Variants in ADNP observed in about 807,000 individuals in gnomAD.
ADNP encodes the protein activity-dependent neuroprotector homeobox protein.
A neutral mutation model predicts 84.9 loss-of-function variants in ADNP; 4 were observed. The ratio of observed to expected loss-of-function variants is 0.05; its 90% CI spans 0.02 to 0.11. The LOEUF (loss-of-function observed/expected upper bound fraction) is 0.11. Ranked by LOEUF, ADNP falls within the 10% of genes least tolerant of loss-of-function variation. ADNP has a pLI of 1.00. For synonymous variants in ADNP, 554 were observed against 468.1 expected (o/e 1.18, Z -2.37); for missense variants, 1,132 against 1,326.0 (o/e 0.85, Z 2.27).
intron 2 of ADNP, chr20:50,909,729 CAG>C (rs1425422143): frequency 1.3e-5 from 2 of 152,268 alleles, no homozygotes; most frequent in Non-Finnish European, 2.9e-5. Flanking sequence ...TGATGGAAGA[CAG>C]AAAGTCACTT....
chr20:50,921,020 C>T (rs1983925204), intron 2 of ADNP, among the ~76,000 whole-genome samples: 1 of 152,140 alleles, frequency 6.6e-6, no homozygotes, highest in Non-Finnish European at 1.5e-5. Flanking sequence ...GTTATTTAAC[C>T]TCTAGAGGTC....
intron 5 of ADNP, among the ~76,000 whole-genome samples, 164 bp downstream of exon 5, chr20:50,901,853 T>C (rs914711670): frequency 1.3e-5 from 2 of 152,226 alleles, no homozygotes; most frequent in African/African-American, 2.4e-5. Flanking sequence ...GGACAAAAAG[T>C]TTTTCTTAGT....
chr20:50,893,738 G>A lies in ADNP; in HGVS notation c.976C>T (p.His326Tyr). Residue 326 changes from histidine (H) to tyrosine (Y), a missense_variant, in exon 6 of 6, where the codon CAT becomes TAT. This residue lies in a region of ADNP where 239 missense variants were observed against 213.2 expected (regional missense o/e 1.12). Coordinates refer to ENST00000621696, the MANE Select transcript of ADNP (RefSeq NM_001282531.3). This position sits in a 1 kb window ranked among gnomAD's most constrained non-coding sequence, Gnocchi z 4.4. ...ACTCCATAGTTGTTCTGCTGCAGAT[G>A]AACACTGGACATCATGTTGACTCCT... is the stretch of plus-strand genomic sequence containing the variant. ...STGVNMMSSV[H>Y]LQQNNYGVKS... 3 of 1,614,090 alleles carry A rather than the reference G, an allele frequency of 1.9e-6. No individual in the cohort carries two copies. Among genetic ancestry groups the A allele is most frequent in the Non-Finnish European group, 2.5e-6 (3 of 1,180,034 alleles).
At chr20:50,900,940 CAAG>C (rs1223433824) in intron 5 of ADNP, among the ~76,000 whole-genome samples, 5 of 152,104 alleles carry the variant, frequency 3.3e-5, no homozygotes, top group Admixed American at 2.6e-4. Flanking sequence ...TGATTCAAAT[CAAG>C]AAGTTAAATA....
chr20:50,906,995 T>A (rs1982548797), intron 2 of ADNP, among the ~76,000 whole-genome samples: 1 of 137,196 alleles, frequency 7.3e-6, no homozygotes, highest in Non-Finnish European at 1.5e-5. Context: ...TTTGAGACAG[T>A]CTCGCTCTGT....
chr20:50,928,521 T>C (rs909048453), intron 2 of ADNP, 130 bp downstream of exon 2: 3 of 152,242 alleles, frequency 2.0e-5, no homozygotes, highest in African/African-American at 7.2e-5. Flanking sequence ...CAACCAGCTC[T>C]AACCGGTTCC....
Position 50,891,431 on chromosome 20 carries a change from C to T in ADNP, c.3283G>A (p.Val1095Ile), listed in dbSNP as rs199615568. 6.2e-6 allele frequency: 10 copies of T among 1,610,232 alleles called. No individual in the cohort carries two copies. The East Asian group carries it at 2.0e-4, about 32-fold the overall frequency. ...TAGGCCTGTTGGCTGCTCAGTTTAA[C>T]TCCGGCTAAGCTGCCATGCATGGGC... ...AEPMHGSLAG[V>I]KLSSQQA Residue 1095 changes from valine to isoleucine, a missense_variant, in exon 6 of 6, where the codon GTT becomes ATT. Around this residue, in one of 10 missense-constraint regions of ADNP, gnomAD observed 381 missense variants for 319.9 expected, o/e 1.19. Coordinates refer to ENST00000621696, the MANE Select transcript of ADNP (RefSeq NM_001282531.3).
intron 2 of ADNP, among the ~76,000 whole-genome samples, chr20:50,920,500 C>T (rs948141771): frequency 3.3e-5 from 5 of 149,296 alleles, no homozygotes; most frequent in Admixed American, 2.7e-4. Context: ...GAATTTCTTG[C>T]GCCCAGGAGG....
intron 5 of ADNP, among the ~76,000 whole-genome samples, chr20:50,894,758 G>A (rs117200849): frequency 4.6e-5 from 7 of 152,078 alleles, no homozygotes; most frequent in Non-Finnish European, 7.4e-5. Context: ...TAAGCTGAGC[G>A]TGGTGGTGGG....
intron 2 of ADNP, among the ~76,000 whole-genome samples, chr20:50,918,598 T>C (rs1235900508): frequency 6.6e-6 from 1 of 152,212 alleles, no homozygotes; most frequent in East Asian, 1.9e-4. Flanking sequence ...AAGGCCCTGA[T>C]TCACTCTGCC....
intron 5 of ADNP, among the ~76,000 whole-genome samples, chr20:50,898,958 C>T (rs937765382): frequency 6.6e-6 from 1 of 152,164 alleles, no homozygotes; most frequent in African/African-American, 2.4e-5. Context: ...GGACTATGTT[C>T]CCCCAAGATT....
intron 2 of ADNP, among the ~76,000 whole-genome samples, chr20:50,910,237 A>G (rs1174558852): frequency 1.3e-5 from 2 of 152,228 alleles, no homozygotes; most frequent in Non-Finnish European, 2.9e-5. Flanking sequence ...AAAAAACACT[A>G]TATGAGAAGA....
intron 2 of ADNP, among the ~76,000 whole-genome samples, chr20:50,905,989 G>C (rs1982437872): frequency 6.6e-6 from 1 of 152,206 alleles, no homozygotes. Context: ...GAGGAGGGCA[G>C]ATCACGAGGT....
At chr20:50,921,050 CAGA>C (rs1298389896) in intron 2 of ADNP, among the ~76,000 whole-genome samples, 2 of 152,244 alleles carry the variant, frequency 1.3e-5, no homozygotes, top group East Asian at 1.9e-4. Flanking sequence ...ATGGCATAAG[CAGA>C]AGGACACTAT....
chr20:50,918,855 A>C (rs1983709703), intron 2 of ADNP, among the ~76,000 whole-genome samples: 1 of 152,228 alleles, frequency 6.6e-6, no homozygotes, highest in African/African-American at 2.4e-5. Flanking sequence ...ACTTTAAGGA[A>C]GTTTTGTTTT....
At position 50,892,782 on chromosome 20, in the gene ADNP, T is replaced by G; in HGVS notation, c.1932A>C (p.Arg644=). The G allele has an allele frequency of 6.2e-7, 1 of 1,614,240 alleles. No individual in the cohort carries two copies. The highest frequency in any genetic ancestry group is 8.5e-7 in the Non-Finnish European group (1 of 1,180,040). ...CCGTCTGAATAACTTGGTGCCTCTC[T>G]CGTAAGTGATGTGCAAGTGCATCAG... ...PISDALAHHL[R]ERHQVIQTVH... The change falls in exon 6 of 6, where the codon CGA becomes CGC. Residue 644 remains arginine, a synonymous_variant. Coordinates refer to ENST00000621696, the MANE Select transcript of ADNP (RefSeq NM_001282531.3).
chr20:50,909,119 C>T (rs564806667), intron 2 of ADNP, among the ~76,000 whole-genome samples: 88 of 151,486 alleles, frequency 5.8e-4, no homozygotes, highest in African/African-American at 1.9e-3. Context: ...GCCTATAATC[C>T]CAGCACTTTG....
At chr20:50,913,278 AAAAAAAAAAAG>A (rs1223010821) in intron 2 of ADNP, among the ~76,000 whole-genome samples, 3 of 143,648 alleles carry the variant, frequency 2.1e-5, no homozygotes, top group East Asian at 2.2e-4. Flanking sequence ...AAAAAAAAAA[AAAAAAAAAAAG>A]GTATCTGTAT....
intron 5 of ADNP, among the ~76,000 whole-genome samples, chr20:50,896,332 A>C (rs906954309): frequency 3.3e-5 from 5 of 151,728 alleles, no homozygotes; most frequent in African/African-American, 1.2e-4. Flanking sequence ...TTTTAAAAAA[A>C]AACTTTCCCA....
Sources: allele counts gnomAD v4.1 joint callset (sites outside exome capture counted in the v4.1 genomes callset), GRCh38; gene constraint gnomAD v4.1.1; regional missense constraint gnomAD v4.1.1; non-coding constraint Gnocchi (gnomAD v3.1); transcripts MANE v1.5; gene names NCBI Gene and HGNC (gene_info 2026-07-23, HGNC 2026-07-21).